The following ANKRD26 variants were observed in gnomAD, a reference collection of about 807,000 sequenced individuals.
ANKRD26 encodes the protein ankyrin repeat domain 26.
In ANKRD26, 141 loss-of-function variants were observed where a neutral mutation model predicts 208.7. The ratio of observed to expected loss-of-function variants is 0.68; its 90% confidence interval spans 0.59 to 0.78. The LOEUF (loss-of-function observed/expected upper bound fraction) is 0.78, where lower values mean the gene tolerates loss of function less well. Among genes scored for constraint, ANKRD26 ranks in the 30% least tolerant of loss-of-function variants. The pLI is 0.00. For missense variants in ANKRD26, 1,889 were observed against 1,938.7 expected (o/e 0.97, Z 0.48); for synonymous variants, 636 against 660.4 (o/e 0.96, Z 0.57).
At chr10:26,989,090 A>G (rs1001173744), downstream of ANKRD26, among the ~76,000 whole-genome samples, 2 of 151,826 alleles carry the variant, frequency 1.3e-5, no homozygotes, top group African/African-American at 2.4e-5. Context: ...ATCGGGCAAG[A>G]TATTTTTTTT....
intron 3 of ANKRD26, among the ~76,000 whole-genome samples, chr10:26,984,939 C>T (rs2052361516): frequency 6.6e-6 from 1 of 152,064 alleles, no homozygotes; most frequent in African/African-American, 2.4e-5. Flanking sequence ...GAAAATTTTA[C>T]AAACAATTTG....
intron 32 of ANKRD26, among the ~76,000 whole-genome samples, chr10:27,012,036 CA>C (rs1441336051): frequency 1.3e-5 from 2 of 152,164 alleles, no homozygotes; most frequent in Non-Finnish European, 2.9e-5. Flanking sequence ...ACAAATTAAT[CA>C]GTGTTAGAGT....
chr10:27,022,579 C>A lies in ANKRD26; in HGVS notation c.4194G>T (p.Gln1398His). 8 of 1,535,336 alleles carry A rather than the reference C, an allele frequency of 5.2e-6. No homozygotes were observed. The highest frequency in any genetic ancestry group is 7.2e-6 in the Non-Finnish European group (8 of 1,115,992). The change falls in exon 29 of 34, where the codon CAG (glutamine) becomes CAT (histidine). Residue 1398 changes from glutamine (Q) to histidine (H), a missense_variant. Physicochemically the swap from Gln to His is conservative, Grantham distance 24. Coordinates refer to ENST00000376087, the MANE Select transcript of ANKRD26 (RefSeq NM_014915.3). ...LKTSQFEMDI[Q>H]INKLKHKIDD... is the part of the protein sequence containing the mutation. ...TTACCTTATGTTTTAGCTTATTAAT[C>A]TGAATATCCATTTCAAATTGACTAG...
Position 27,077,390 on chromosome 10 carries a change from T to A in ANKRD26, c.1025A>T (p.Asp342Val), listed in dbSNP as rs2135575053. The A allele has an allele frequency of 6.2e-7, 1 of 1,614,042 alleles. No individual in the cohort carries two copies. Among genetic ancestry groups the A allele is most frequent in the South Asian group, 1.1e-5 (1 of 91,082 alleles). Residue 342 changes from aspartate to valine, a missense_variant, in exon 9 of 34, where the codon GAC becomes GTC. By Grantham distance (152) the Asp-to-Val change is radical. Coordinates refer to ENST00000376087, the MANE Select transcript of ANKRD26 (RefSeq NM_014915.3). The stretch of plus-strand genomic sequence containing the variant: ...CTTGTGGGAAGGTTTTGGAAGAAGG[T>A]CAGGTGATTGATAGGTAGGATGAGA... ...CFSHPTYQSP[D>V]LLPKPSHKSL...
rs1224926596 is a variant in ANKRD26 at position 27,086,566 on chromosome 10, T to C, written c.682A>G (p.Lys228Glu). 7.5e-6 allele frequency: 12 copies of C among 1,605,778 alleles called. No homozygotes were observed. The highest frequency in any genetic ancestry group is 9.4e-6 in the Non-Finnish European group (11 of 1,174,962). ...ISEYKEERIP[K>E]HSSQNSNSVD... is the part of the protein sequence containing the mutation. ...GAATTACTATTTTGAGAAGAATGTT[T>C]AGGTATCCTTTCTTCTTTATATTCT... The change falls in exon 5 of 34, where the codon AAA becomes GAA. Residue 228 changes from lysine (K) to glutamate (E), a missense_variant. Physicochemically the swap from Lys to Glu is moderately conservative, Grantham distance 56 (BLOSUM62 1). This residue lies in a region of ANKRD26 where 1,272 missense variants were observed against 1,273.8 expected (regional missense o/e 1.00). Transcript: ENST00000376087.
In ANKRD26 at chr10:27,024,438, A is replaced by G; in HGVS notation, c.4085+9T>C. ...ATGGTTAAAATGATCTGAAATATTA[A>G]AATCTTACCCAGTTATCTCTCTTTC... On this transcript the variant is annotated intron_variant, in intron 28 of 33. Transcript: ENST00000376087. 7.2e-7 allele frequency: 1 copy of G among 1,390,212 alleles called. No homozygotes were observed. Among genetic ancestry groups the G allele is most frequent in the Non-Finnish European group, 1.0e-6 (1 of 984,136 alleles). The allele number at this position is 1,390,212 out of a possible 1,614,324, so 86.1% of individuals were successfully genotyped here.
intron 1 of ANKRD26, among the ~76,000 whole-genome samples, chr10:27,099,233 C>T (rs573784786): frequency 2.8e-4 from 42 of 152,182 alleles, no homozygotes; most frequent in Non-Finnish European, 4.7e-4. Flanking sequence ...TCAGGATATC[C>T]GCTTGCCTTG....
At chr10:27,022,752 A>G in intron 28 of ANKRD26, 65 bp from the exon 29 acceptor site, 1 of 1,422,528 alleles carries the variant, frequency 7.0e-7, no homozygotes, top group East Asian at 2.5e-5. Flanking sequence ...AATTATTTAA[A>G]CAGATATTAT....
downstream of ANKRD26, among the ~76,000 whole-genome samples, chr10:26,987,820 G>A (rs1477068924): frequency 6.6e-6 from 1 of 152,168 alleles, no homozygotes; most frequent in Non-Finnish European, 1.5e-5. Flanking sequence ...TAAATGGTAA[G>A]GGAAGAACAC....
intron 1 of ANKRD26, among the ~76,000 whole-genome samples, chr10:27,097,640 T>TTTTTG (rs145431675): frequency 5.8e-4 from 88 of 151,814 alleles, no homozygotes; most frequent in African/African-American, 1.9e-3. Flanking sequence ...ATTTATCTTT[T>TTTTTG]TTTTGTTTTG....
the ANKRD26 span, among the ~76,000 whole-genome samples, chr10:26,955,016 C>G: frequency 2.7e-5 from 4 of 150,840 alleles, no homozygotes; most frequent in Non-Finnish European, 5.9e-5. Context: ...TTTCCTTTAG[C>G]TAATTGTGTT....
chr10:26,977,745 G>A (rs1317195665), intron 5 of ANKRD26, among the ~76,000 whole-genome samples: 1 of 152,156 alleles, frequency 6.6e-6, no homozygotes, highest in Non-Finnish European at 1.5e-5. Context: ...TTCAGCCAAG[G>A]CAGGTGCATT....
At chr10:27,030,076 T>C (rs1564369387) in intron 25 of ANKRD26, among the ~76,000 whole-genome samples, 1 of 152,238 alleles carries the variant, frequency 6.6e-6, no homozygotes, top group Non-Finnish European at 1.5e-5. Flanking sequence ...TAGTGAGCTA[T>C]ATATAATATT....
At chr10:26,972,034 G>T (rs886494275), downstream of ANKRD26, among the ~76,000 whole-genome samples, 5 of 152,084 alleles carry the variant, frequency 3.3e-5, no homozygotes, top group Admixed American at 1.3e-4. Context: ...AGGAGATCGA[G>T]ACCATCCTGG....
rs2054331962 is a variant in ANKRD26, at chr10:27,043,446, T to C, written c.2141A>G (p.Gln714Arg). 6.2e-7 allele frequency: 1 copy of C among 1,613,936 alleles called. No homozygotes were observed. The highest frequency in any genetic ancestry group is 8.5e-7 in the Non-Finnish European group (1 of 1,179,972). The change falls in exon 20 of 34, where the codon CAA becomes CGA. Residue 714 changes from glutamine to arginine, a missense_variant. Physicochemically the swap from Gln to Arg is conservative, Grantham distance 43 (BLOSUM62 1). Transcript: ENST00000376087. ...CCTACCTTTACACTCCATTCCAAGT[T>C]GTTCAATGAGCAACATAAAATTCTT... is the stretch of plus-strand genomic sequence containing the variant. Reference protein sequence around the residue: ...SYKNFMLLIEQLGMECKDSVS... With the variant: ...SYKNFMLLIERLGMECKDSVS...
At chr10:26,976,375 T>C (rs1389537341) in intron 5 of ANKRD26, among the ~76,000 whole-genome samples, 1 of 152,008 alleles carries the variant, frequency 6.6e-6, no homozygotes, top group African/African-American at 2.4e-5. Flanking sequence ...CCACCACGCC[T>C]GGCTAATTTT....
chr10:26,990,872 A>G (rs2052474082), downstream of ANKRD26, among the ~76,000 whole-genome samples: 9 of 152,226 alleles, frequency 5.9e-5, no homozygotes, highest in Admixed American at 5.9e-4. Flanking sequence ...TGAGCACTTT[A>G]ATTGTAAGGA....
chr10:27,032,816 A>G (rs956526025), intron 25 of ANKRD26, among the ~76,000 whole-genome samples: 5 of 151,098 alleles, frequency 3.3e-5, no homozygotes, highest in Non-Finnish European at 7.4e-5. Context: ...CTCTGTCTCA[A>G]AAAAAAAACA....
At chr10:27,027,507 C>T (rs1192420245) in intron 27 of ANKRD26, among the ~76,000 whole-genome samples, 2 of 152,062 alleles carry the variant, frequency 1.3e-5, no homozygotes, top group East Asian at 1.9e-4. Context: ...AGAAATAATC[C>T]GAACGTCCAT....
Sources: gnomAD v4.1 joint callset for allele counts (sites outside exome capture counted in the v4.1 genomes callset) on GRCh38, gnomAD v4.1.1 for gene constraint, gnomAD v4.1.1 regional missense constraint, MANE v1.5 for transcripts, NCBI Gene and HGNC (gene_info 2026-07-23, HGNC 2026-07-21) for gene names.